The following KCNT2 variants were observed in gnomAD, a reference collection of about 807,000 sequenced individuals.
The protein encoded by KCNT2 is potassium sodium-activated channel subfamily T member 2, also known as potassium channel subfamily T member 2.
KCNT2 carries 67 observed loss-of-function variants against 153.8 expected under a neutral mutation model. The observed-to-expected ratio is 0.44, with a 90% CI of 0.36 to 0.53. The LOEUF is 0.53. Among genes scored for constraint, KCNT2 ranks in the 20% least tolerant of loss-of-function variants. The pLI, the probability that KCNT2 is intolerant of heterozygous loss-of-function variation, is 0.00. For synonymous variants in KCNT2, 500 were observed against 458.8 expected, an observed-to-expected ratio of 1.09 and a Z score of -1.15; for missense variants, 975 against 1,354.8, an observed-to-expected ratio of 0.72 and a Z score of 4.40.
chr1:196,364,876 T>C (rs937917369), intron 14 of KCNT2, among the ~76,000 whole-genome samples: 3 of 152,110 alleles, frequency 2.0e-5, no homozygotes, highest in African/African-American at 7.2e-5. Context: ...GAAGAACTTC[T>C]TTTGAAATAA....
At chr1:196,588,637 C>T (rs922285170) in intron 1 of KCNT2, among the ~76,000 whole-genome samples, 16 of 151,974 alleles carry the variant, frequency 1.1e-4, no homozygotes, top group African/African-American at 3.6e-4. Context: ...TACAATGTTA[C>T]AATAGTATAC....
intron 18 of KCNT2, among the ~76,000 whole-genome samples, chr1:196,329,985 T>TATATATATA (rs1664296989): frequency 2.7e-5 from 2 of 73,746 alleles, no homozygotes; most frequent in South Asian, 3.7e-4. Flanking sequence ...ATATATATAT[T>TATATATATA]TGAATGAGAC....
intron 1 of KCNT2, among the ~76,000 whole-genome samples, chr1:196,530,160 A>T (rs767257287): frequency 6.6e-6 from 1 of 151,976 alleles, no homozygotes; most frequent in Non-Finnish European, 1.5e-5. Flanking sequence ...CACAAAGAAA[A>T]TATATATATG....
chr1:196,384,771 T>G (rs1282652667), intron 13 of KCNT2, among the ~76,000 whole-genome samples: 1 of 151,336 alleles, frequency 6.6e-6, no homozygotes, highest in Non-Finnish European at 1.5e-5. Flanking sequence ...TGGACAAAAT[T>G]ATTTAAAAAA....
intron 8 of KCNT2, among the ~76,000 whole-genome samples, chr1:196,446,223 A>G (rs1675673132): frequency 6.6e-6 from 1 of 151,492 alleles, no homozygotes; most frequent in Admixed American, 6.6e-5. Context: ...ATTAAGCAAA[A>G]GATAGATTTC....
chr1:196,272,433 C>CT (rs200318175), intron 25 of KCNT2, among the ~76,000 whole-genome samples: 2,625 of 151,532 alleles, frequency 0.017, 32 homozygotes, highest in Middle Eastern at 0.041. Flanking sequence ...TCTGAAAAAC[C>CT]TTTTTTTTGC....
chr1:196,458,785 A>C (rs1177831544), intron 8 of KCNT2, among the ~76,000 whole-genome samples: 1 of 151,906 alleles, frequency 6.6e-6, no homozygotes, highest in Non-Finnish European at 1.5e-5. Flanking sequence ...ATTATCAGAG[A>C]AAAAAAGTCA....
intron 1 of KCNT2, among the ~76,000 whole-genome samples, chr1:196,586,854 A>G (rs150248011): frequency 1.3e-5 from 2 of 152,266 alleles, no homozygotes; most frequent in African/African-American, 4.8e-5. Context: ...ACATTGAATA[A>G]TAATCACAAT....
intron 1 of KCNT2, among the ~76,000 whole-genome samples, chr1:196,596,993 C>G (rs1664161965): frequency 6.6e-6 from 1 of 152,112 alleles, no homozygotes; most frequent in South Asian, 2.1e-4. Flanking sequence ...AGCCACCCAC[C>G]CAGCCCTTAC....
intron 1 of KCNT2, among the ~76,000 whole-genome samples, chr1:196,556,566 G>C (rs1352097929): frequency 1.3e-5 from 2 of 151,316 alleles, no homozygotes; most frequent in African/African-American, 2.4e-5. Flanking sequence ...ATAGAAAACA[G>C]TTTGGTAGTT....
At chr1:196,468,911 T>C (rs1677842136) in intron 6 of KCNT2, 83 bp downstream of exon 6, 11 of 780,268 alleles carry the variant, frequency 1.4e-5, no homozygotes, top group Non-Finnish European at 2.1e-5. Flanking sequence ...TTAGCTACCA[T>C]ATTATTTAAC....
intron 25 of KCNT2, among the ~76,000 whole-genome samples, chr1:196,265,964 G>A (rs1657499948): frequency 6.6e-6 from 1 of 151,900 alleles, no homozygotes; most frequent in Non-Finnish European, 1.5e-5. Flanking sequence ...AAATGAGCAG[G>A]ATAGAAAATA....
intron 1 of KCNT2, among the ~76,000 whole-genome samples, chr1:196,526,197 A>G (rs1180132123): frequency 6.6e-6 from 1 of 152,026 alleles, no homozygotes; most frequent in Non-Finnish European, 1.5e-5. Context: ...GTGTGAGTGA[A>G]ACTTTACACA....
chr1:196,584,413 G>T (rs1662428579), intron 1 of KCNT2, among the ~76,000 whole-genome samples: 1 of 152,028 alleles, frequency 6.6e-6, no homozygotes. Context: ...TTATTAAAAA[G>T]ATTCTAATGT....
intron 8 of KCNT2, among the ~76,000 whole-genome samples, chr1:196,440,005 A>G (rs981941605): frequency 6.6e-6 from 1 of 151,956 alleles, no homozygotes; most frequent in African/African-American, 2.4e-5. Context: ...ATGTATACCT[A>G]TGTAACAAAC....
rs75195133 is a variant in KCNT2 at position 196,324,553 on chromosome 1, C to T, written c.2276+2164G>A. Among the ~76,000 whole-genome samples the T allele has an allele frequency of 2.2e-4, 33 of 152,066 alleles. 1 individual carries two copies. Among genetic ancestry groups the T allele is most frequent in the Admixed American group, 5.3e-4 (8 of 15,232 alleles). ...ACATCTCTCTAAGACTAAATCATCA[C>T]TGTAATGTAAATATGTGACTTGTGC... is the stretch of plus-strand genomic sequence containing the variant. On this transcript the variant is annotated intron_variant, in intron 19 of 27. Transcript: ENST00000294725.
intron 13 of KCNT2, among the ~76,000 whole-genome samples, chr1:196,396,983 A>G (rs1020635287): frequency 7.9e-5 from 12 of 151,484 alleles, no homozygotes; most frequent in African/African-American, 2.9e-4. Flanking sequence ...GAAAATACAT[A>G]TTGTTTTAAG....
At chr1:196,275,677 A>G (rs1658500010) in intron 25 of KCNT2, among the ~76,000 whole-genome samples, 1 of 151,986 alleles carries the variant, frequency 6.6e-6, no homozygotes, top group Admixed American at 6.6e-5. Context: ...ATGTGGCATG[A>G]AAACCTGCAT....
At chr1:196,453,535 G>T (rs1314506727) in intron 8 of KCNT2, among the ~76,000 whole-genome samples, 1 of 151,836 alleles carries the variant, frequency 6.6e-6, no homozygotes, top group East Asian at 1.9e-4. Flanking sequence ...AGTAATTTTT[G>T]TTTTCTTGAC....
Sources: gnomAD v4.1 joint callset for allele counts (sites outside exome capture counted in the v4.1 genomes callset) on GRCh38, gnomAD v4.1.1 for gene constraint, MANE v1.5 for transcripts, NCBI Gene and HGNC (gene_info 2026-07-23, HGNC 2026-07-21) for gene names.